The following UCHL5 variants were observed in gnomAD, a reference collection of about 807,000 sequenced individuals.
The protein encoded by UCHL5 is ubiquitin carboxyl-terminal hydrolase isozyme L5.
Under a neutral mutation model 53.8 loss-of-function variants are expected in UCHL5, and 34 were observed. That is an observed-to-expected ratio of 0.63 (90% CI 0.48 to 0.84). The LOEUF is 0.84. UCHL5 is among the 40% of genes least tolerant of loss of function. The probability of loss-of-function intolerance (pLI) is 0.00; values close to 1 mark genes in which losing one functional copy is unlikely to be tolerated. For missense variants in UCHL5, 290 were observed against 385.6 expected (o/e 0.75, Z 2.08); for synonymous variants, 111 against 126.3 (o/e 0.88, Z 0.81).
chr1:193,035,963 T>A (rs1024253336), intron 3 of UCHL5, among the ~76,000 whole-genome samples: 2 of 151,966 alleles, frequency 1.3e-5, no homozygotes, highest in African/African-American at 4.8e-5. Flanking sequence ...GTAAGCTTCA[T>A]GGTAACCGCA....
chr1:193,024,260 A>C (rs1658309668), intron 7 of UCHL5, among the ~76,000 whole-genome samples: 1 of 151,820 alleles, frequency 6.6e-6, no homozygotes, highest in South Asian at 2.1e-4. Context: ...AAAAACAAAA[A>C]AAAGCTTTCA....
chr1:193,024,116 G>T (rs975730078), intron 7 of UCHL5, among the ~76,000 whole-genome samples, 170 bp from the exon 8 acceptor site: 1 of 151,918 alleles, frequency 6.6e-6, no homozygotes, highest in Admixed American at 6.6e-5. Flanking sequence ...AGGCACATAG[G>T]TGCCTCCCAG....
chr1:193,043,163 A>C (rs1185563145), intron 3 of UCHL5, among the ~76,000 whole-genome samples: 1 of 147,794 alleles, frequency 6.8e-6, no homozygotes, highest in Admixed American at 6.7e-5. Flanking sequence ...AAAAAAAAAA[A>C]AAAAAAAAAA....
At chr1:193,042,838 G>A (rs1262351536) in intron 3 of UCHL5, among the ~76,000 whole-genome samples, 1 of 152,138 alleles carries the variant, frequency 6.6e-6, no homozygotes, top group Non-Finnish European at 1.5e-5. Context: ...ACCTCTGTCT[G>A]CATCTGTAGG....
intron 3 of UCHL5, among the ~76,000 whole-genome samples, chr1:193,033,928 G>C (rs1353937085): frequency 6.6e-6 from 1 of 152,190 alleles, no homozygotes; most frequent in Non-Finnish European, 1.5e-5. Flanking sequence ...TGATGTGCTT[G>C]TTGTTCAAGA....
chr1:193,059,429 C>T (rs765406131), upstream of UCHL5: 17 of 1,610,374 alleles, frequency 1.1e-5, no homozygotes, highest in Admixed American at 2.0e-4. The surrounding 1 kb of genome is among the most constrained non-coding windows in gnomAD (Gnocchi z 4.9). Context: ...CGCGACTGAG[C>T]GCGGGAGGAC....
chr1:193,016,472 G>A (rs921552436), intron 10 of UCHL5, 77 bp from the exon 11 acceptor site: 11 of 1,354,708 alleles, frequency 8.1e-6, no homozygotes, highest in Non-Finnish European at 1.1e-5. Flanking sequence ...GTGCCTAAGA[G>A]GGTATTCTCA....
intron 9 of UCHL5, among the ~76,000 whole-genome samples, chr1:193,022,138 T>G (rs1342213954): frequency 6.6e-6 from 1 of 152,126 alleles, no homozygotes; most frequent in Non-Finnish European, 1.5e-5. Flanking sequence ...TTTTCCCGCC[T>G]GGAATACTCT....
At chr1:193,044,023 G>C (rs1171482775) in intron 3 of UCHL5, among the ~76,000 whole-genome samples, 1 of 152,184 alleles carries the variant, frequency 6.6e-6, no homozygotes, top group Non-Finnish European at 1.5e-5. Context: ...ACCTGAGGAT[G>C]ATCTGGGGAT....
chr1:193,016,470 G>C, intron 10 of UCHL5, 75 bp from the exon 11 acceptor site: 1 of 1,370,414 alleles, frequency 7.3e-7, no homozygotes, highest in South Asian at 1.3e-5. Context: ...ATGTGCCTAA[G>C]AGGGTATTCT....
At chr1:193,045,874 G>A (rs1031336147) in intron 3 of UCHL5, among the ~76,000 whole-genome samples, 1 of 152,170 alleles carries the variant, frequency 6.6e-6, no homozygotes, top group East Asian at 1.9e-4. Context: ...TTTTAAAAAG[G>A]AGAAAAATCA....
chr1:193,059,371 CG>C (rs768675750), upstream of UCHL5: 2 of 1,606,390 alleles, frequency 1.2e-6, no homozygotes, highest in Non-Finnish European at 1.7e-6. This position sits in a 1 kb window ranked among gnomAD's most constrained non-coding sequence, Gnocchi z 4.9. Flanking sequence ...GTCAACCACA[CG>C]TCACCCCGCC....
chr1:193,026,802 G>A lies in UCHL5; in HGVS notation c.629+1283C>T, dbSNP rs568185687. Among the ~76,000 whole-genome samples, 56 of 151,984 alleles carry A rather than the reference G, an allele frequency of 3.7e-4. No homozygotes were observed. The South Asian group carries it at 8.3e-3, about 23-fold the overall frequency. On this transcript the variant is annotated intron_variant, in intron 7 of 10. Coordinates refer to ENST00000367454, the MANE Select transcript of UCHL5 (RefSeq NM_001199261.3). The stretch of plus-strand genomic sequence containing the variant: ...AGTCACAAAAAATCTGCACAAAAAC[G>A]TTTATTGTAGCTTTATTCTCAGTAG...
intron 9 of UCHL5, among the ~76,000 whole-genome samples, chr1:193,021,990 A>C (rs551432929): frequency 6.6e-6 from 1 of 152,328 alleles, no homozygotes; most frequent in South Asian, 2.1e-4. Context: ...AGATATTAAA[A>C]GTTAGTTAAT....
chr1:193,040,707 G>A (rs1201381772), intron 3 of UCHL5, among the ~76,000 whole-genome samples: 1 of 152,036 alleles, frequency 6.6e-6, no homozygotes, highest in East Asian at 1.9e-4. Context: ...TTTTATTATG[G>A]CACTATTAAT....
chr1:193,028,590 A>C (rs1660214664), intron 6 of UCHL5, among the ~76,000 whole-genome samples: 1 of 152,148 alleles, frequency 6.6e-6, no homozygotes, highest in East Asian at 1.9e-4. Flanking sequence ...TTATTTTGTG[A>C]ACCTATTATT....
At chr1:193,040,220 T>C (rs576812906) in intron 3 of UCHL5, among the ~76,000 whole-genome samples, 3 of 151,976 alleles carry the variant, frequency 2.0e-5, no homozygotes, top group Non-Finnish European at 4.4e-5. Context: ...ACCCACAGAA[T>C]GGGAGAAAAT....
rs375856662 is a variant in UCHL5, at chr1:193,023,927, G to C, written c.649C>G (p.Arg217Gly). ...GACACAATGGCCATTAAATTAAATC[G>C]AATTTCACCTTCACTGTACCTAGAA... ...RIQKYSEGEI[R>G]FNLMAIVSDR... The change falls in exon 8 of 11, where the codon CGA becomes GGA. Residue 217 changes from arginine to glycine, a missense_variant. Transcript: ENST00000367454. 1 of 1,609,842 alleles carries C rather than the reference G, an allele frequency of 6.2e-7. No homozygotes were observed. The highest frequency in any genetic ancestry group is 1.3e-5 in the African/African-American group (1 of 74,644).
chr1:193,053,111 C>A (rs1301307284), intron 1 of UCHL5, among the ~76,000 whole-genome samples: 1 of 152,042 alleles, frequency 6.6e-6, no homozygotes, highest in Non-Finnish European at 1.5e-5. Flanking sequence ...ACATGGTTTG[C>A]GGTGGAGGAG....
Sources: allele counts gnomAD v4.1 joint callset (sites outside exome capture counted in the v4.1 genomes callset), GRCh38; gene constraint gnomAD v4.1.1; non-coding constraint Gnocchi (gnomAD v3.1); transcripts MANE v1.5; gene names NCBI Gene and HGNC (gene_info 2026-07-23, HGNC 2026-07-21).